The following SPDL1 variants were observed in gnomAD, a reference collection of about 807,000 sequenced individuals.
The protein encoded by SPDL1 is protein Spindly.
A neutral mutation model predicts 79.5 loss-of-function variants in SPDL1; 85 were observed. The ratio of observed to expected loss-of-function variants is 1.07; its 90% CI spans 0.90 to 1.28. The LOEUF (loss-of-function observed/expected upper bound fraction) is 1.28, where lower values mean the gene tolerates loss of function less well. Among genes scored for constraint, SPDL1 ranks in the 50% most tolerant of loss-of-function variants. SPDL1 has a pLI of 0.00. For missense variants in SPDL1, 703 were observed against 697.8 expected, an observed-to-expected ratio of 1.01 and a Z score of -0.08; for synonymous variants, 269 against 240.3, an observed-to-expected ratio of 1.12 and a Z score of -1.10.
rs1755250959 is a variant in SPDL1 at position 169,591,049 on chromosome 5, G to T, written c.161G>T (p.Ser54Ile). 1 of 1,611,024 alleles carries T rather than the reference G, an allele frequency of 6.2e-7. No homozygotes were observed. Among genetic ancestry groups the T allele is most frequent in the South Asian group, 1.1e-5 (1 of 90,646 alleles). The change falls in exon 3 of 12, where the codon AGT becomes ATT. Residue 54 changes from serine (S) to isoleucine (I), a missense_variant and splice_region_variant. Ser to Ile is a moderately radical substitution (Grantham distance 142). Transcript: ENST00000265295. ...AATTGTAATTGAATCTGTTTTCAGAGTTATGAACAAGAAAAATATACCCTT... is the reference window on the plus strand; with the variant it reads ...AATTGTAATTGAATCTGTTTTCAGATTTATGAACAAGAAAAATATACCCTT... ...CRNEMMTMTE[S>I]YEQEKYTLQR...
intron 1 of SPDL1, among the ~76,000 whole-genome samples, chr5:169,585,226 C>G (rs1754931185): frequency 6.6e-6 from 1 of 152,106 alleles, no homozygotes. Flanking sequence ...GGACAGCTCC[C>G]CCTTGTTACA....
intron 10 of SPDL1, 142 bp from the exon 11 acceptor site, chr5:169,601,138 C>A: frequency 3.1e-6 from 2 of 654,176 alleles, no homozygotes; most frequent in South Asian, 2.3e-5. Context: ...AAGGTAGAAA[C>A]AAAGGATGCA....
rs781185811 is a variant in SPDL1 at position 169,588,510 on chromosome 5, G to C, written c.94G>C (p.Glu32Gln). The change falls in exon 2 of 12, where the codon GAG (glutamate) becomes CAG (glutamine). Residue 32 changes from glutamate (E) to glutamine (Q), a missense_variant. Transcript: ENST00000265295. ...TGCACAGTATGGTTTACAACTAGTA[G>C]AGAGTCAAAATGAATTACAGAATCA... ...KAAQYGLQLVESQNELQNQLD... is the reference protein window; with the variant it reads ...KAAQYGLQLVQSQNELQNQLD... 4.3e-6 allele frequency: 7 copies of C among 1,613,856 alleles called. No homozygotes were observed. Among genetic ancestry groups the C allele is most frequent in the Non-Finnish European group, 5.9e-6 (7 of 1,179,840 alleles).
At chr5:169,598,685 AAAAG>A (rs1274880577) in intron 9 of SPDL1, 106 bp downstream of exon 9, 6 of 1,077,872 alleles carry the variant, frequency 5.6e-6, no homozygotes, top group East Asian at 2.4e-5. Context: ...AAATTTTCCG[AAAAG>A]AAAGGTAACA....
intron 8 of SPDL1, 72 bp from the exon 9 acceptor site, chr5:169,598,404 C>T: frequency 1.1e-6 from 1 of 926,976 alleles, no homozygotes; most frequent in Non-Finnish European, 1.7e-6. Context: ...AGTGATGGTG[C>T]TATTATTAAT....
rs1755402878 is a variant in SPDL1, at chr5:169,593,421, A to G, written c.404A>G (p.Asp135Gly). Reference sequence around the variant, plus strand: ...GAAAAGCAGCTGAAGCACCAAGTAGATCATCAGAAGGAACTCCTCTCTTGT... The same window carrying G: ...GAAAAGCAGCTGAAGCACCAAGTAGGTCATCAGAAGGAACTCCTCTCTTGT... ...LSEKQLKHQVDHQKELLSCKS... is the reference protein window; with the variant it reads ...LSEKQLKHQVGHQKELLSCKS... Residue 135 changes from aspartate (D) to glycine (G), a missense_variant, in exon 4 of 12, where the codon GAT (aspartate) becomes GGT (glycine). Transcript: ENST00000265295. The G allele has an allele frequency of 1.9e-6, 3 of 1,614,040 alleles. No homozygotes were observed. Among genetic ancestry groups the G allele is most frequent in the Non-Finnish European group, 2.5e-6 (3 of 1,179,958 alleles).
intron 8 of SPDL1, among the ~76,000 whole-genome samples, chr5:169,597,576 A>T (rs7730272): frequency 6.6e-6 from 1 of 152,018 alleles, no homozygotes; most frequent in Non-Finnish European, 1.5e-5. Flanking sequence ...ATTTACAAAC[A>T]TCTTGTCTAG....
intron 1 of SPDL1, 102 bp from the exon 2 acceptor site, chr5:169,588,292 T>C (rs1755082402): frequency 2.7e-6 from 2 of 752,002 alleles, no homozygotes; most frequent in African/African-American, 1.8e-5. Context: ...TTAATGTTTT[T>C]ATACGACAGT....
At position 169,601,313 on chromosome 5, in the gene SPDL1, G is replaced by A. The variant is rs750872258; in HGVS notation, c.1358G>A (p.Arg453His). 44 of 1,613,100 alleles carry A rather than the reference G, an allele frequency of 2.7e-5. No individual in the cohort carries two copies. The highest frequency in any genetic ancestry group is 1.1e-4 in the South Asian group (10 of 91,024). ...GAAGTGCCTGTACTGAAAAAGAGGCGTGAGGTGCTCCCTGTGGATATAACC... is the reference window on the plus strand; with the variant it reads ...GAAGTGCCTGTACTGAAAAAGAGGCATGAGGTGCTCCCTGTGGATATAACC... ...TVEVPVLKKR[R>H]EVLPVDITTA... The change falls in exon 11 of 12, where the codon CGT (arginine) becomes CAT (histidine). Residue 453 changes from arginine to histidine, a missense_variant. Transcript: ENST00000265295.
chr5:169,599,119 A>G lies in SPDL1; in HGVS notation c.1284A>G (p.Arg428=). ...CAGAAAGTGAAAATATGAAACTGAG[A>G]GCTAAACTAGATGAATTGAAACTAA... ...QLSESENMKL[R]AKLDELKLKY... The change falls in exon 10 of 12, where the codon AGA becomes AGG. Residue 428 remains arginine, a synonymous_variant. Transcript: ENST00000265295. 1 of 1,584,264 alleles carries G rather than the reference A, an allele frequency of 6.3e-7. No individual in the cohort carries two copies. Among genetic ancestry groups the G allele is most frequent in the Non-Finnish European group, 8.6e-7 (1 of 1,159,602 alleles).
In SPDL1 at chr5:169,591,088, A is replaced by T; in HGVS notation, c.200A>T (p.Glu67Val). 6.2e-7 allele frequency: 1 copy of T among 1,613,978 alleles called. No individual in the cohort carries two copies. The highest frequency in any genetic ancestry group is 8.5e-7 in the Non-Finnish European group (1 of 1,179,966). ...AAATATACCCTTCAAAGAGAAGTTG[A>T]ACTCAAGAGTCGAATGTTAGAAAGT... ...QEKYTLQREV[E>V]LKSRMLESLS... Residue 67 changes from glutamate (E) to valine (V), a missense_variant, in exon 3 of 12, where the codon GAA becomes GTA. Glu to Val is a moderately radical substitution (Grantham distance 121). Transcript: ENST00000265295.
Position 169,594,128 on chromosome 5 carries a change from C to T in SPDL1, c.532-17C>T, listed in dbSNP as rs1407765781. On this transcript the variant is annotated splice_polypyrimidine_tract_variant and intron_variant, in intron 4 of 11. Transcript: ENST00000265295. ...TTATTCAAGAGAATTTCCTCCTTTT[C>T]AATTCCTGTTAAATAGACCACCCTC... is the stretch of plus-strand genomic sequence containing the variant. 2 of 1,581,454 alleles carry T rather than the reference C, an allele frequency of 1.3e-6. No homozygotes were observed. Among genetic ancestry groups the T allele is most frequent in the Non-Finnish European group, 1.7e-6 (2 of 1,167,470 alleles).
intron 6 of SPDL1, 33 bp from the exon 7 acceptor site, chr5:169,594,538 A>G (rs750732120): frequency 4.3e-6 from 7 of 1,611,670 alleles, no homozygotes; most frequent in Non-Finnish European, 5.9e-6. Flanking sequence ...TTCATTTACT[A>G]CCAGAACAAT....
chr5:169,601,416 A>G lies in SPDL1; in HGVS notation c.1461A>G (p.Thr487=). The change falls in exon 11 of 12, where the codon ACA becomes ACG. Residue 487 remains threonine, a synonymous_variant. Transcript: ENST00000265295. ...VYRLPPQKEE[T]QSCPNSLEDN... Reference sequence around the variant, plus strand: ...GATTACCGCCTCAGAAAGAGGAGACACAGTCCTGCCCTAACAGTTTAGAAG... The same window carrying G: ...GATTACCGCCTCAGAAAGAGGAGACGCAGTCCTGCCCTAACAGTTTAGAAG... 6.2e-7 allele frequency: 1 copy of G among 1,614,150 alleles called. No homozygotes were observed. The highest frequency in any genetic ancestry group is 8.5e-7 in the Non-Finnish European group (1 of 1,180,016).
At chr5:169,604,027 T>C (rs761415304) in intron 11 of SPDL1, 33 bp from the exon 12 acceptor site, 2 of 1,585,484 alleles carry the variant, frequency 1.3e-6, no homozygotes, top group South Asian at 2.3e-5. Context: ...ATAACCACAT[T>C]TGAATTCAGA....
chr5:169,587,786 A>G (rs1243602264), intron 1 of SPDL1, among the ~76,000 whole-genome samples: 1 of 152,164 alleles, frequency 6.6e-6, no homozygotes, highest in Non-Finnish European at 1.5e-5. Context: ...TGTCAGTGCC[A>G]TGATCATAAC....
At chr5:169,595,704 C>A (rs1755550486) in intron 7 of SPDL1, 1 of 152,186 alleles carries the variant, frequency 6.6e-6, no homozygotes, top group African/African-American at 2.4e-5. Context: ...AGTTTTCTTA[C>A]AGTATTTGTT....
chr5:169,595,933 A>G (rs1481614296), intron 7 of SPDL1: 1 of 152,220 alleles, frequency 6.6e-6, no homozygotes, highest in Non-Finnish European at 1.5e-5. Context: ...AACTCCAGAA[A>G]TTTCCAAAGG....
At chr5:169,585,803 TA>T (rs1754958981) in intron 1 of SPDL1, 1 of 152,266 alleles carries the variant, frequency 6.6e-6, no homozygotes, top group African/African-American at 2.4e-5. Context: ...AATTCATTGA[TA>T]AATTGAAGCA....
Sources: allele counts gnomAD v4.1 joint callset (sites outside exome capture counted in the v4.1 genomes callset), GRCh38; gene constraint gnomAD v4.1.1; transcripts MANE v1.5; gene names NCBI Gene and HGNC (gene_info 2026-07-23, HGNC 2026-07-21).